NBEA: variants seen among roughly 807,000 people sequenced by gnomAD.
NBEA encodes neurobeachin, also known as lysosomal-trafficking regulator 2.
In NBEA, 44 loss-of-function variants were observed where a neutral mutation model predicts 343.4. The observed-to-expected ratio is 0.13, with a 90% CI of 0.10 to 0.16. NBEA has a LOEUF of 0.16. Ranked by LOEUF, NBEA falls within the 10% of genes least tolerant of loss-of-function variation. NBEA has a pLI of 1.00. For missense variants in NBEA, 2,555 were observed against 3,631.3 expected, an observed-to-expected ratio of 0.70 and a Z score of 7.62; for synonymous variants, 1,175 against 1,238.7, an observed-to-expected ratio of 0.95 and a Z score of 1.08.
intron 38 of NBEA, among the ~76,000 whole-genome samples, chr13:35,375,637 G>T (rs2041699170): frequency 6.6e-6 from 1 of 152,030 alleles, no homozygotes; most frequent in African/African-American, 2.4e-5. Context: ...GCATGATTAT[G>T]TCATAGTTTT....
intron 10 of NBEA, among the ~76,000 whole-genome samples, chr13:35,074,187 T>C (rs1236418323): frequency 6.6e-6 from 1 of 152,178 alleles, no homozygotes; most frequent in African/African-American, 2.4e-5. Context: ...GTAATATAGC[T>C]TTCGTATTTT....
chr13:35,095,218 T>C (rs2065272387), intron 10 of NBEA, among the ~76,000 whole-genome samples: 1 of 151,562 alleles, frequency 6.6e-6, no homozygotes, highest in African/African-American at 2.4e-5. Context: ...ATGAGTTATC[T>C]ACATTAGTTA....
At chr13:35,402,063 A>G (rs1338864144) in intron 38 of NBEA, among the ~76,000 whole-genome samples, 1 of 152,012 alleles carries the variant, frequency 6.6e-6, no homozygotes. Context: ...AAAATAAGCA[A>G]AATTCTGATA....
At chr13:35,496,458 G>A (rs2076679655) in intron 41 of NBEA, among the ~76,000 whole-genome samples, 1 of 151,578 alleles carries the variant, frequency 6.6e-6, no homozygotes, top group Admixed American at 6.6e-5. Flanking sequence ...AACATGGTGA[G>A]ATCTTGTCTC....
chr13:35,635,213 C>G (rs1419931534), intron 49 of NBEA, among the ~76,000 whole-genome samples: 1 of 151,986 alleles, frequency 6.6e-6, no homozygotes, highest in Admixed American at 6.6e-5. Context: ...TCCTTTATTC[C>G]TCAGCCTTTC....
chr13:35,390,345 G>T (rs2042441842), intron 38 of NBEA, among the ~76,000 whole-genome samples: 5 of 152,004 alleles, frequency 3.3e-5, no homozygotes, highest in Admixed American at 3.3e-4. Flanking sequence ...TTTTTCTTTG[G>T]AGACTTTAAT....
At position 35,070,423 on chromosome 13, in the gene NBEA, C is replaced by G. The variant is rs575522391; in HGVS notation, c.1438-296C>G. Among the ~76,000 whole-genome samples, 4 of 152,102 alleles carry G rather than the reference C, an allele frequency of 2.6e-5. No homozygotes were observed. In the South Asian group the frequency reaches 6.2e-4, roughly 24 times the overall value. On this transcript the variant is annotated intron_variant, in intron 9 of 58. Coordinates refer to ENST00000379939, the MANE Select transcript of NBEA (RefSeq NM_001385012.1). ...TTTAAGAATGTATTACTAATATTCT[C>G]TAACATTAAAATTACTTGTCTTTAA...
chr13:35,648,730 G>GT (rs1430983143), intron 51 of NBEA, among the ~76,000 whole-genome samples: 8 of 152,066 alleles, frequency 5.3e-5, no homozygotes, highest in Non-Finnish European at 1.0e-4. Flanking sequence ...TATTTGTAGT[G>GT]TTTTGTAGGA....
chr13:35,320,186 G>A (rs1392433132), intron 36 of NBEA, among the ~76,000 whole-genome samples: 1 of 152,152 alleles, frequency 6.6e-6, no homozygotes, highest in African/African-American at 2.4e-5. Context: ...TTTCTTCATA[G>A]TGTCGATGGA....
intron 58 of NBEA, among the ~76,000 whole-genome samples, 154 bp downstream of exon 58, chr13:35,668,673 G>A (rs1479655475): frequency 6.6e-6 from 1 of 152,172 alleles, no homozygotes; most frequent in Non-Finnish European, 1.5e-5. Flanking sequence ...GAAGAGTAAG[G>A]ATTCTAGTGA....
intron 31 of NBEA, 85 bp from the exon 32 acceptor site, chr13:35,208,615 G>A: frequency 8.4e-7 from 1 of 1,190,580 alleles, no homozygotes; most frequent in Non-Finnish European, 1.1e-6. Flanking sequence ...GAAATTCGAT[G>A]TTGACTATGT....
chr13:35,133,078 G>A (rs749800817), intron 17 of NBEA, among the ~76,000 whole-genome samples: 10 of 151,714 alleles, frequency 6.6e-5, no homozygotes, highest in African/African-American at 9.7e-5. Context: ...AAAAGACAAG[G>A]CACAAAGTGA....
At chr13:35,329,761 A>G (rs1435153766) in intron 36 of NBEA, among the ~76,000 whole-genome samples, 6 of 143,250 alleles carry the variant, frequency 4.2e-5, no homozygotes, top group Non-Finnish European at 9.0e-5. Flanking sequence ...TGAAATATGC[A>G]TTTGTCAAAA....
intron 21 of NBEA, among the ~76,000 whole-genome samples, chr13:35,158,055 A>G (rs1266553339): frequency 6.6e-6 from 1 of 152,172 alleles, no homozygotes; most frequent in African/African-American, 2.4e-5. Flanking sequence ...TGTGAAAGAC[A>G]ATACATAATG....
chr13:35,305,453 G>A (rs898537964), intron 35 of NBEA, among the ~76,000 whole-genome samples: 4 of 152,078 alleles, frequency 2.6e-5, no homozygotes, highest in African/African-American at 7.2e-5. Flanking sequence ...CTTATTGAGC[G>A]CTTTTGGTGT....
At chr13:35,655,782 C>A in intron 55 of NBEA, 33 bp downstream of exon 55, 1 of 1,564,212 alleles carries the variant, frequency 6.4e-7, no homozygotes, top group African/African-American at 1.4e-5. Flanking sequence ...TCCTATCAAA[C>A]TATAGTTTAT....
intron 1 of NBEA, among the ~76,000 whole-genome samples, chr13:35,006,263 A>G (rs1033997412): frequency 2.0e-5 from 3 of 151,592 alleles, no homozygotes; most frequent in Non-Finnish European, 2.9e-5. Context: ...CCCTTTATTA[A>G]CCTTAAAAAA....
intron 38 of NBEA, among the ~76,000 whole-genome samples, chr13:35,376,618 C>T (rs1028666405): frequency 1.3e-5 from 2 of 152,034 alleles, no homozygotes; most frequent in African/African-American, 2.4e-5. Context: ...TACAATTGCT[C>T]AAGAGCCAAG....
intron 1 of NBEA, among the ~76,000 whole-genome samples, chr13:34,985,356 T>C (rs2060508305): frequency 6.6e-6 from 1 of 151,144 alleles, no homozygotes; most frequent in African/African-American, 2.4e-5. Context: ...GATTTGCATA[T>C]GTTGAACCAG....
Sources: allele counts gnomAD v4.1 joint callset (sites outside exome capture counted in the v4.1 genomes callset), GRCh38; gene constraint gnomAD v4.1.1; transcripts MANE v1.5; gene names NCBI Gene and HGNC (gene_info 2026-07-23, HGNC 2026-07-21).